The following FRMD3 variants were observed in gnomAD, a reference collection of about 807,000 sequenced individuals.
FRMD3 encodes FERM domain containing 3, also known as FERM domain-containing protein 3.
A neutral mutation model predicts 70.2 loss-of-function variants in FRMD3; 33 were observed. The observed-to-expected ratio is 0.47, with a 90% CI of 0.36 to 0.63. The LOEUF is 0.63. FRMD3 is among the 20% of genes least tolerant of loss of function. The pLI is 0.00. For missense variants in FRMD3, 632 were observed against 711.4 expected, an observed-to-expected ratio of 0.89 and a Z score of 1.27; for synonymous variants, 279 against 255.9, an observed-to-expected ratio of 1.09 and a Z score of -0.86.
chr9:83,268,255 T>C (rs2118775628), intron 13 of FRMD3, among the ~76,000 whole-genome samples: 1 of 152,326 alleles, frequency 6.6e-6, no homozygotes, highest in Non-Finnish European at 1.5e-5. Context: ...AAACAAAGGT[T>C]TATTCAGAGC....
intron 12 of FRMD3, among the ~76,000 whole-genome samples, chr9:83,295,558 G>A (rs1364955284): frequency 1.3e-5 from 2 of 152,116 alleles, no homozygotes; most frequent in African/African-American, 2.4e-5. Flanking sequence ...CTAGAAGTTG[G>A]GCAAAGTGAT....
chr9:83,305,007 C>T (rs151035183), intron 10 of FRMD3, among the ~76,000 whole-genome samples: 6 of 152,346 alleles, frequency 3.9e-5, no homozygotes, highest in East Asian at 1.9e-4. Context: ...AGCGCATTTG[C>T]GTCCTAAAAG....
rs1471608300 is a variant in FRMD3 at position 83,244,661 on chromosome 9, A to ATATT, written c.*3253_*3256dup. 6.1e-6 allele frequency: 6 copies of ATATT among 985,036 alleles called. No individual in the cohort carries two copies. The African/African-American group carries it at 8.7e-5, about 14-fold the overall frequency. The allele number at this position is 985,036 out of a possible 1,614,324, so 61.0% of individuals were successfully genotyped here. On this transcript the variant is annotated 3_prime_UTR_variant, in exon 14 of 14. Transcript: ENST00000304195. The stretch of plus-strand genomic sequence containing the variant: ...ATTTTTATTAGGGATTCCTGCCACC[A>ATATT]TATTAACATATAAAACAATCTGGAT...
intron 6 of FRMD3, among the ~76,000 whole-genome samples, chr9:83,322,619 A>G (rs560843287): frequency 1.6e-4 from 24 of 152,286 alleles, no homozygotes; most frequent in African/African-American, 5.5e-4. Flanking sequence ...TTCTCTTTCT[A>G]GAGGAATGTG....
intron 13 of FRMD3, among the ~76,000 whole-genome samples, chr9:83,279,835 G>A (rs1373357568): frequency 6.6e-6 from 1 of 152,042 alleles, no homozygotes; most frequent in African/African-American, 2.4e-5. Flanking sequence ...AGGATAAATA[G>A]CTAATGTATG....
intron 1 of FRMD3, among the ~76,000 whole-genome samples, chr9:83,405,327 C>T (rs1323033789): frequency 1.3e-5 from 2 of 152,138 alleles, no homozygotes; most frequent in African/African-American, 4.8e-5. Context: ...TCCACAATGC[C>T]ATGTTAGCAG....
At chr9:83,474,882 T>C (rs1828357229) in intron 1 of FRMD3, among the ~76,000 whole-genome samples, 4 of 151,968 alleles carry the variant, frequency 2.6e-5, no homozygotes, top group Non-Finnish European at 5.9e-5. Flanking sequence ...TCCCCACTGA[T>C]GAAGAGACAA....
At chr9:83,328,607 C>T (rs1271951432) in intron 6 of FRMD3, among the ~76,000 whole-genome samples, 2 of 152,148 alleles carry the variant, frequency 1.3e-5, no homozygotes, top group Non-Finnish European at 2.9e-5. Context: ...TTAATTGTTG[C>T]TTCATGAATT....
chr9:83,367,290 C>A (rs998542815), intron 3 of FRMD3, among the ~76,000 whole-genome samples: 2 of 152,172 alleles, frequency 1.3e-5, no homozygotes, highest in South Asian at 4.1e-4. Context: ...ACTGCCCAAT[C>A]ATGAAGCCCA....
intron 13 of FRMD3, among the ~76,000 whole-genome samples, chr9:83,259,077 G>T (rs1832860471): frequency 1.3e-5 from 2 of 152,204 alleles, no homozygotes; most frequent in Non-Finnish European, 2.9e-5. Context: ...ATGCCACAAT[G>T]ATTGGAGGGG....
intron 1 of FRMD3, among the ~76,000 whole-genome samples, chr9:83,441,499 A>G (rs1413220483): frequency 1.3e-5 from 2 of 152,180 alleles, no homozygotes; most frequent in African/African-American, 2.4e-5. Context: ...AATACACAAA[A>G]GAGTCTCTAC....
At chr9:83,475,927 C>CA (rs1019251783) in intron 1 of FRMD3, among the ~76,000 whole-genome samples, 1 of 152,166 alleles carries the variant, frequency 6.6e-6, no homozygotes, top group Non-Finnish European at 1.5e-5. Flanking sequence ...CTCCTCCCCC[C>CA]AGGCCTCACT....
At chr9:83,265,271 G>A (rs933932593) in intron 13 of FRMD3, among the ~76,000 whole-genome samples, 1 of 151,786 alleles carries the variant, frequency 6.6e-6, no homozygotes, top group African/African-American at 2.4e-5. Context: ...GTGGTGGCAG[G>A]CGCCTGTAAT....
intron 1 of FRMD3, among the ~76,000 whole-genome samples, chr9:83,446,454 T>C (rs903676877): frequency 1.4e-4 from 22 of 151,762 alleles, no homozygotes; most frequent in Admixed American, 1.3e-4. Flanking sequence ...AAGACCATCC[T>C]GGCTAACACG....
chr9:83,337,283 T>C (rs1341182121), intron 5 of FRMD3, among the ~76,000 whole-genome samples: 1 of 152,168 alleles, frequency 6.6e-6, no homozygotes. Context: ...ATGGCCACCC[T>C]GCAAGCTGCA....
Position 83,247,595 on chromosome 9 carries a change from T to C in FRMD3, c.*323A>G. ...TATAGCTTATAATGGTGCCAACTATTAGAAATGGGAAAATCTAATTCAGTC... is the reference window on the plus strand; with the variant it reads ...TATAGCTTATAATGGTGCCAACTATCAGAAATGGGAAAATCTAATTCAGTC... On this transcript the variant is annotated 3_prime_UTR_variant, in exon 14 of 14. Coordinates refer to ENST00000304195, the MANE Select transcript of FRMD3 (RefSeq NM_174938.6). The C allele has an allele frequency of 9.6e-7, 1 of 1,036,840 alleles. No homozygotes were observed. Among genetic ancestry groups the C allele is most frequent in the Non-Finnish European group, 1.2e-6 (1 of 860,736 alleles). 64.2% of individuals were successfully genotyped at this position (1,036,840 alleles called of 1,614,324 possible). A position where few individuals can be genotyped will look rare whatever the true frequency, so the allele number is the denominator to read the frequency against.
chr9:83,393,721 T>A (rs760886963), intron 1 of FRMD3, among the ~76,000 whole-genome samples: 2 of 152,000 alleles, frequency 1.3e-5, no homozygotes, highest in Non-Finnish European at 2.9e-5. Flanking sequence ...AATCTAATGC[T>A]GCCGCTGATC....
Position 83,537,578 on chromosome 9 carries a change from G to T in FRMD3, c.147+507C>A, listed in dbSNP as rs536969926. 1.1e-4 allele frequency among the ~76,000 whole-genome samples: 16 copies of T among 152,344 alleles called. No homozygotes were observed. In the South Asian group the frequency reaches 3.3e-3, roughly 32 times the overall value. ...AAGACCACCGGCGGAGGGTGAGGGG[G>T]ACCGACACGGAGCGGAAAGCAGGTT... On this transcript the variant is annotated intron_variant, in intron 1 of 13. Transcript: ENST00000304195. The surrounding 1 kb of genome is among the most constrained non-coding windows in gnomAD (Gnocchi z 4.1).
At chr9:83,401,837 C>A (rs1825959025) in intron 1 of FRMD3, among the ~76,000 whole-genome samples, 1 of 152,128 alleles carries the variant, frequency 6.6e-6, no homozygotes, top group Non-Finnish European at 1.5e-5. Flanking sequence ...AGTAAAATTT[C>A]ATCATGTGCC....
Sources: gnomAD v4.1 joint callset for allele counts (sites outside exome capture counted in the v4.1 genomes callset) on GRCh38, gnomAD v4.1.1 for gene constraint, Gnocchi (gnomAD v3.1) non-coding constraint, MANE v1.5 for transcripts, NCBI Gene and HGNC (gene_info 2026-07-23, HGNC 2026-07-21) for gene names.